The following CAMSAP3 variants were observed in gnomAD, a reference collection of about 807,000 sequenced individuals.
The protein encoded by CAMSAP3 is calmodulin-regulated spectrin-associated protein 3.
A neutral mutation model predicts 112.5 loss-of-function variants in CAMSAP3; 34 were observed. The ratio of observed to expected loss-of-function variants is 0.30; its 90% CI spans 0.23 to 0.40. The LOEUF is 0.40. Among genes scored for constraint, CAMSAP3 ranks in the 10% least tolerant of loss-of-function variants. The pLI is 1.00. For synonymous variants in CAMSAP3, 868 were observed against 799.8 expected, an observed-to-expected ratio of 1.09 and a Z score of -1.44; for missense variants, 1,602 against 1,770.3, an observed-to-expected ratio of 0.90 and a Z score of 1.71.
At position 7,618,248 on chromosome 19, in the gene CAMSAP3, A is replaced by G; in HGVS notation, c.*191A>G. ...TGGGAGGTTCAGGGACTCAGGGCTCAGCTCAGTCCCCTTGTCTGTCCTCCC... is the reference window on the plus strand; with the variant it reads ...TGGGAGGTTCAGGGACTCAGGGCTCGGCTCAGTCCCCTTGTCTGTCCTCCC... On this transcript the variant is annotated 3_prime_UTR_variant, in exon 17 of 17. Transcript: ENST00000160298. 1.6e-6 allele frequency: 1 copy of G among 610,406 alleles called. No individual in the cohort carries two copies. Among genetic ancestry groups the G allele is most frequent in the Non-Finnish European group, 2.9e-6 (1 of 349,806 alleles). The allele number at this position is 610,406 out of a possible 1,614,324, so 37.8% of individuals were successfully genotyped here.
chr19:7,605,949 A>G (rs1349392818), intron 2 of CAMSAP3, among the ~76,000 whole-genome samples: 1 of 151,286 alleles, frequency 6.6e-6, no homozygotes, highest in Non-Finnish European at 1.5e-5. Flanking sequence ...TCTTCCCATC[A>G]AGCCTGGCCC....
chr19:7,611,268 T>C lies in CAMSAP3; in HGVS notation c.1123+100T>C, dbSNP rs1046219549. 3 of 1,206,282 alleles carry C rather than the reference T, an allele frequency of 2.5e-6. No individual in the cohort carries two copies. The African/African-American group carries it at 4.5e-5, about 18-fold the overall frequency. 74.7% of individuals were successfully genotyped at this position (1,206,282 alleles called of 1,614,324 possible). On this transcript the variant is annotated intron_variant, in intron 9 of 16. Coordinates refer to ENST00000160298, the MANE Select transcript of CAMSAP3 (RefSeq NM_020902.2). The surrounding 1 kb of genome is among the most constrained non-coding windows in gnomAD (Gnocchi z 6.9). ...TCTCCTCGTGAGCCTTCCAATAGCC[T>C]CTCCATCAGATCCCCCTTGGGCATC... is the stretch of plus-strand genomic sequence containing the variant.
rs776331469 is a variant in CAMSAP3, at chr19:7,612,682, C to A, written c.2189C>A (p.Pro730Gln). ...LTDQQQRLLAPPEAPGSAPPP... is the reference protein window; with the variant it reads ...LTDQQQRLLAQPEAPGSAPPP... ...GACCAGCAGCAGCGGCTCCTGGCCC[C>A]GCCCGAGGCCCCCGGATCCGCCCCA... The change falls in exon 11 of 17, where the codon CCG becomes CAG. Residue 730 changes from proline to glutamine, a missense_variant. Transcript: ENST00000160298. 2.0e-6 allele frequency: 3 copies of A among 1,512,028 alleles called. No homozygotes were observed. In the South Asian group the frequency reaches 3.7e-5, roughly 19 times the overall value. 93.7% of individuals were successfully genotyped at this position (1,512,028 alleles called of 1,614,324 possible).
At position 7,611,955 on chromosome 19, in the gene CAMSAP3, C is replaced by A; in HGVS notation, c.1462C>A (p.Pro488Thr). 6.2e-7 allele frequency: 1 copy of A among 1,610,298 alleles called. No homozygotes were observed. Among genetic ancestry groups the A allele is most frequent in the East Asian group, 2.2e-5 (1 of 44,858 alleles). Residue 488 changes from proline to threonine, a missense_variant, in exon 11 of 17, where the codon CCT (proline) becomes ACT (threonine). By Grantham distance (38) the Pro-to-Thr change is conservative. Coordinates refer to ENST00000160298, the MANE Select transcript of CAMSAP3 (RefSeq NM_020902.2). The surrounding 1 kb of genome is among the most constrained non-coding windows in gnomAD (Gnocchi z 6.9). ...AADGSFYLHS[P>T]EGPSKPSLAS... ...CGACGGCAGCTTCTACCTCCACTCC[C>A]CTGAGGGGCCCTCCAAGCCATCCCT...
chr19:7,605,401 G>T lies in CAMSAP3; in HGVS notation c.324G>T (p.Leu108=). The change falls in exon 2 of 17, where the codon CTG becomes CTT. Residue 108 remains leucine (L), a synonymous_variant. Coordinates refer to ENST00000160298, the MANE Select transcript of CAMSAP3 (RefSeq NM_020902.2). Reference sequence around the variant, plus strand: ...ACCCCTCTGCACTGCTGGCCCTGCTGGCGCGGAGGGGCACAGTGCCTGCTT... The same window carrying T: ...ACCCCTCTGCACTGCTGGCCCTGCTTGCGCGGAGGGGCACAGTGCCTGCTT... ...PPNPSALLAL[L]ARRGTVPALP... is the part of the protein sequence containing the mutation. 6.5e-7 allele frequency: 1 copy of T among 1,526,892 alleles called. No individual in the cohort carries two copies. The highest frequency in any genetic ancestry group is 8.8e-7 in the Non-Finnish European group (1 of 1,132,280). 94.6% of individuals were successfully genotyped at this position (1,526,892 alleles called of 1,614,324 possible).
At position 7,611,304 on chromosome 19, in the gene CAMSAP3, C is replaced by A; in HGVS notation, c.1123+136C>A. The A allele has an allele frequency of 6.3e-6, 6 of 954,514 alleles. No individual in the cohort carries two copies. Among genetic ancestry groups the A allele is most frequent in the South Asian group, 1.5e-5 (1 of 66,170 alleles). The allele number at this position is 954,514 out of a possible 1,614,324, so 59.1% of individuals were successfully genotyped here. On this transcript the variant is annotated intron_variant, in intron 9 of 16. Coordinates refer to ENST00000160298, the MANE Select transcript of CAMSAP3 (RefSeq NM_020902.2). The surrounding 1 kb of genome is among the most constrained non-coding windows in gnomAD (Gnocchi z 6.9). ...TCCCCCTTGGGCATCCCAAAGTGAC[C>A]CCCAGAATGGCCTCCCCAGTGGCCC...
chr19:7,611,844 C>T lies in CAMSAP3; in HGVS notation c.1351C>T (p.Pro451Ser). 1 of 1,573,886 alleles carries T rather than the reference C, an allele frequency of 6.4e-7. No individual in the cohort carries two copies. The change falls in exon 11 of 17, where the codon CCG becomes TCG. Residue 451 changes from proline to serine, a missense_variant. By Grantham distance (74) the Pro-to-Ser change is moderately conservative. Transcript: ENST00000160298. This position sits in a 1 kb window ranked among gnomAD's most constrained non-coding sequence, Gnocchi z 6.9. ...GGCCAGGACCCCCACCCAGCCACCC[C>T]CGGAGCCTGGTGACCTGCCCACCAT... Reference protein sequence around the residue: ...APARTPTQPPPEPGDLPTIEE... With the variant: ...APARTPTQPPSEPGDLPTIEE...
At chr19:7,602,055 T>C (rs28687060) in intron 1 of CAMSAP3, among the ~76,000 whole-genome samples, 7,604 of 149,754 alleles carry the variant, frequency 0.051, 662 homozygotes, top group African/African-American at 0.17. Flanking sequence ...CAGAGCAAGA[T>C]TGTCTCAAAA....
chr19:7,616,056 G>GTGA, intron 13 of CAMSAP3, among the ~76,000 whole-genome samples: 1 of 152,184 alleles, frequency 6.6e-6, no homozygotes, highest in South Asian at 2.1e-4. Context: ...CGGGCATATG[G>GTGA]CATGCCTGTA....
At chr19:7,606,194 C>A in intron 2 of CAMSAP3, 77 bp from the exon 3 acceptor site, 2 of 1,229,872 alleles carry the variant, frequency 1.6e-6, no homozygotes, top group South Asian at 1.2e-5. Context: ...CAGGTTCTTC[C>A]TTTTCCCAGG....
Position 7,615,218 on chromosome 19 carries a change from G to A in CAMSAP3, c.2706G>A (p.Lys902=), listed in dbSNP as rs775086323. The A allele has an allele frequency of 1.3e-6, 2 of 1,553,050 alleles. No homozygotes were observed. Among genetic ancestry groups the A allele is most frequent in the South Asian group, 1.2e-5 (1 of 84,210 alleles). The change falls in exon 12 of 17, where the codon AAG becomes AAA. Residue 902 remains lysine, a synonymous_variant. Coordinates refer to ENST00000160298, the MANE Select transcript of CAMSAP3 (RefSeq NM_020902.2). The surrounding 1 kb of genome is among the most constrained non-coding windows in gnomAD (Gnocchi z 6.5). ...AGCCTGAGGACGAGATGGCCCAAAA[G>A]CGGGCCAGCCTGCTGGAGCGGCAGC... is the stretch of plus-strand genomic sequence containing the variant. ...EDKPEDEMAQ[K]RASLLERQQR...
At chr19:7,608,958 T>A (rs1394385373) in intron 5 of CAMSAP3, among the ~76,000 whole-genome samples, 2 of 151,970 alleles carry the variant, frequency 1.3e-5, no homozygotes, top group Admixed American at 6.6e-5. Flanking sequence ...GCATACTGGG[T>A]AGTCCTAAAG....
Position 7,608,129 on chromosome 19 carries a change from C to A in CAMSAP3, c.625C>A (p.Arg209=). The A allele has an allele frequency of 6.2e-7, 1 of 1,610,402 alleles. No homozygotes were observed. The highest frequency in any genetic ancestry group is 1.7e-4 in the Middle Eastern group (1 of 6,052). ...DGAAPAQPSI[R]YRKDRVVARR... ...CTGACCTGGCTCCCATCTGCAGATC[C>A]GATACCGCAAGGACCGTGTGGTGGC... The change falls in exon 5 of 17, where the codon CGA becomes AGA. Residue 209 remains arginine (R), a synonymous_variant. Transcript: ENST00000160298.
In CAMSAP3 at chr19:7,618,065, C is replaced by T. The variant is rs781393872; in HGVS notation, c.*8C>T. The T allele has an allele frequency of 3.2e-5, 52 of 1,607,974 alleles. No individual in the cohort carries two copies. Among genetic ancestry groups the T allele is most frequent in the Admixed American group, 1.8e-4 (11 of 59,790 alleles). On this transcript the variant is annotated 3_prime_UTR_variant, in exon 17 of 17. Transcript: ENST00000160298. ...GGCGGCACCCCCAAATAGCCCCACC[C>T]GGGCGGTCCACGGGCCGGGCCCTGT...
Position 7,610,889 on chromosome 19 carries a change from G to C in CAMSAP3, c.1007G>C (p.Arg336Pro). Reference protein sequence around the residue: ...DLPDGHAASPRGTEASPPQNN... With the variant: ...DLPDGHAASPPGTEASPPQNN... ...CTCTGTACTGCAGCTGCCTCCCCCC[G>C]GGGCACTGAGGCCTCCCCACCTCAG... The change falls in exon 8 of 17, where the codon CGG (arginine) becomes CCG (proline). Residue 336 changes from arginine (R) to proline (P), a missense_variant. Physicochemically the swap from Arg to Pro is moderately radical, Grantham distance 103. Transcript: ENST00000160298. The surrounding 1 kb of genome is among the most constrained non-coding windows in gnomAD (Gnocchi z 4.9). The C allele has an allele frequency of 1.3e-6, 2 of 1,594,062 alleles. No homozygotes were observed. Among genetic ancestry groups the C allele is most frequent in the Non-Finnish European group, 1.7e-6 (2 of 1,170,368 alleles).
intron 1 of CAMSAP3, among the ~76,000 whole-genome samples, chr19:7,597,697 G>A (rs984690582): frequency 6.6e-6 from 1 of 152,200 alleles, no homozygotes; most frequent in Non-Finnish European, 1.5e-5. Flanking sequence ...CATGCGAAAC[G>A]GTTGCTCGCT....
At chr19:7,606,137 C>A in intron 2 of CAMSAP3, 134 bp from the exon 3 acceptor site, 1 of 428,264 alleles carries the variant, frequency 2.3e-6, no homozygotes, top group South Asian at 2.1e-5. Flanking sequence ...GAACCACTGG[C>A]CCCGCCCCCT....
At chr19:7,614,968 G>A in intron 11 of CAMSAP3, 1 of 613,276 alleles carries the variant, frequency 1.6e-6, no homozygotes, top group Non-Finnish European at 2.9e-6. Context: ...GGGTTAAGCA[G>A]TGTGTGTGTG....
Position 7,612,825 on chromosome 19 carries a change from C to G in CAMSAP3, c.2332C>G (p.Pro778Ala), listed in dbSNP as rs1281383664. ...CCCTGGGCCCGGGCCCAGCCAGTCA[C>G]CCCGCAGCCCGAAACACACGCGGCC... ...RSPGPGPSQS[P>A]RSPKHTRPAE... Residue 778 changes from proline (P) to alanine (A), a missense_variant, in exon 11 of 17, where the codon CCC becomes GCC. By Grantham distance (27) the Pro-to-Ala change is conservative. Transcript: ENST00000160298. 3.2e-6 allele frequency: 5 copies of G among 1,564,878 alleles called. No individual in the cohort carries two copies. Among genetic ancestry groups the G allele is most frequent in the Admixed American group, 1.8e-5 (1 of 56,094 alleles).
Sources: allele counts gnomAD v4.1 joint callset (sites outside exome capture counted in the v4.1 genomes callset), GRCh38; gene constraint gnomAD v4.1.1; non-coding constraint Gnocchi (gnomAD v3.1); transcripts MANE v1.5; gene names NCBI Gene and HGNC (gene_info 2026-07-23, HGNC 2026-07-21).